RTN1: variants seen among roughly 807,000 people sequenced by gnomAD.
RTN1 encodes the protein reticulon 1.
In RTN1, 25 loss-of-function variants were observed where a neutral mutation model predicts 65.5. That is an observed-to-expected ratio of 0.38 (90% CI 0.28 to 0.53). The LOEUF (loss-of-function observed/expected upper bound fraction) is 0.53. RTN1 is among the 20% of genes least tolerant of loss of function. RTN1 has a pLI of 0.79. For synonymous variants in RTN1, 471 were observed against 447.6 expected (o/e 1.05, Z -0.66); for missense variants, 983 against 1,025.4 (o/e 0.96, Z 0.57).
At chr14:59,607,616 A>C in intron 3 of RTN1, 124 bp from the exon 4 acceptor site, 1 of 771,144 alleles carries the variant, frequency 1.3e-6, no homozygotes, top group Non-Finnish European at 2.2e-6. Context: ...TCCTAAACAC[A>C]AGTGAGCAGA....
rs267604012 is a variant in RTN1, at chr14:59,727,071, G to A, written c.1613C>T (p.Pro538Leu). The A allele has an allele frequency of 6.2e-7, 1 of 1,612,672 alleles. No individual in the cohort carries two copies. Among genetic ancestry groups the A allele is most frequent in the Non-Finnish European group, 8.5e-7 (1 of 1,179,388 alleles). The change falls in exon 3 of 9, where the codon CCT becomes CTT. Residue 538 changes from proline (P) to leucine (L), a missense_variant. This residue lies in a region of RTN1 where 818 missense variants were observed against 801.8 expected (regional missense o/e 1.02). Transcript: ENST00000267484. The surrounding 1 kb of genome is among the most constrained non-coding windows in gnomAD (Gnocchi z 4.2). Reference sequence around the variant, plus strand: ...CTCAGGCTCCAGGGCTCCGTCTCCAGGGGGCAGCTCGGGGCCAGGCTGGGG... The same window carrying A: ...CTCAGGCTCCAGGGCTCCGTCTCCAAGGGGCAGCTCGGGGCCAGGCTGGGG... ...TEPQPGPELP[P>L]GDGALEPETP...
At chr14:59,675,456 G>A (rs1325018833) in intron 3 of RTN1, among the ~76,000 whole-genome samples, 4 of 149,374 alleles carry the variant, frequency 2.7e-5, no homozygotes, top group African/African-American at 2.5e-5. Flanking sequence ...GGGGGGGGGC[G>A]CTATAATTTA....
rs978796070 is a variant in RTN1 at position 59,749,308 on chromosome 14, C to T, written c.242-2827G>A. ...TATATCTATATATATCTATATATAT[C>T]TATATATATATCTATATATCTATAT... On this transcript the variant is annotated intron_variant, in intron 1 of 8. Transcript: ENST00000267484. Among the ~76,000 whole-genome samples the T allele has an allele frequency of 2.4e-3, 36 of 14,890 alleles. 9 individuals are homozygous for T. The East Asian group carries it at 0.029, about 12-fold the overall frequency. The allele number at this position is 14,890 out of a possible 152,430, so 9.8% of individuals were successfully genotyped here.
At chr14:59,869,589 GGGGC>G (rs71111673) in intron 1 of RTN1, among the ~76,000 whole-genome samples, 3,814 of 129,666 alleles carry the variant, frequency 0.029, 180 homozygotes, top group East Asian at 0.21. Context: ...TGGGGGGGGG[GGGGC>G]GCTTAGACTG....
At chr14:59,747,562 C>A (rs888739526) in intron 1 of RTN1, among the ~76,000 whole-genome samples, 3 of 152,030 alleles carry the variant, frequency 2.0e-5, no homozygotes, top group Non-Finnish European at 4.4e-5. Context: ...GCTGAGATTG[C>A]GCCATTGCAC....
At chr14:59,762,206 G>A (rs1214442856) in intron 1 of RTN1, among the ~76,000 whole-genome samples, 1 of 152,084 alleles carries the variant, frequency 6.6e-6, no homozygotes. Context: ...CCTGGAATTG[G>A]ACATCCCCAT....
At chr14:59,717,104 A>G (rs1884552388) in intron 3 of RTN1, among the ~76,000 whole-genome samples, 1 of 152,110 alleles carries the variant, frequency 6.6e-6, no homozygotes, top group African/African-American at 2.4e-5. Flanking sequence ...GCTTTACTTG[A>G]TTTTCTTTGC....
intron 3 of RTN1, among the ~76,000 whole-genome samples, chr14:59,639,050 G>C (rs1182120276): frequency 6.6e-6 from 1 of 152,028 alleles, no homozygotes; most frequent in Non-Finnish European, 1.5e-5. Context: ...AGAAGCCACT[G>C]TAGGGTTATT....
chr14:59,782,832 TTC>T (rs367811693), intron 1 of RTN1, among the ~76,000 whole-genome samples: 309 of 152,150 alleles, frequency 2.0e-3, no homozygotes, highest in African/African-American at 6.8e-3. Flanking sequence ...TTGGTGCAGT[TTC>T]TCTCTCTCTC....
intron 1 of RTN1, among the ~76,000 whole-genome samples, chr14:59,807,647 T>TCATA (rs1321899690): frequency 3.9e-5 from 6 of 152,106 alleles, no homozygotes; most frequent in Non-Finnish European, 8.8e-5. Flanking sequence ...TAACCCTGAG[T>TCATA]CATAAGAGGG....
chr14:59,621,120 G>A (rs965054246), intron 3 of RTN1, among the ~76,000 whole-genome samples: 11 of 152,212 alleles, frequency 7.2e-5, no homozygotes, highest in African/African-American at 2.4e-4. Context: ...ATCAACTTGC[G>A]TAGGAAGCTT....
intron 1 of RTN1, among the ~76,000 whole-genome samples, chr14:59,771,370 G>A (rs1885955535): frequency 6.6e-6 from 1 of 152,224 alleles, no homozygotes; most frequent in Non-Finnish European, 1.5e-5. Context: ...TCTGAACTGT[G>A]TGCAAGAAGT....
At chr14:59,659,575 G>T (rs1466282073) in intron 3 of RTN1, among the ~76,000 whole-genome samples, 1 of 152,104 alleles carries the variant, frequency 6.6e-6, no homozygotes, top group South Asian at 2.1e-4. Context: ...AAGAGAGTGG[G>T]GACCAATATG....
chr14:59,675,968 C>T (rs2140218360), intron 3 of RTN1, among the ~76,000 whole-genome samples: 1 of 152,224 alleles, frequency 6.6e-6, no homozygotes, highest in East Asian at 1.9e-4. Context: ...TCTGATAACC[C>T]CCACTCCCCA....
intron 1 of RTN1, among the ~76,000 whole-genome samples, chr14:59,807,789 G>T (rs1886663650): frequency 6.6e-6 from 1 of 152,306 alleles, no homozygotes; most frequent in Non-Finnish European, 1.5e-5. Context: ...ACAAGTTATG[G>T]AACTTATTCC....
chr14:59,779,339 T>C (rs1011534490), intron 1 of RTN1, among the ~76,000 whole-genome samples: 3 of 151,956 alleles, frequency 2.0e-5, no homozygotes, highest in African/African-American at 7.3e-5. Context: ...ATAAATTCTA[T>C]TAATATTTAA....
At position 59,749,268 on chromosome 14, in the gene RTN1, ATATATATATCTATATATATC is replaced by A. The variant is rs1435448586; in HGVS notation, c.242-2807_242-2788del. 3.3e-4 allele frequency among the ~76,000 whole-genome samples: 7 copies of A among 21,092 alleles called. 1 individual carries two copies. The highest frequency in any genetic ancestry group is 4.4e-4 in the Non-Finnish European group (6 of 13,790). 13.8% of individuals were successfully genotyped at this position (21,092 alleles called of 152,430 possible). ...TATATCTATATATCTATATATATCT[ATATATATATCTATATATATC>A]TATATATATCTATATATATCTATAT... On this transcript the variant is annotated intron_variant, in intron 1 of 8. Transcript: ENST00000267484.
chr14:59,737,207 A>G (rs1250259389), intron 2 of RTN1, among the ~76,000 whole-genome samples: 5 of 152,238 alleles, frequency 3.3e-5, no homozygotes, highest in Non-Finnish European at 7.3e-5. Flanking sequence ...TTCAGATAGG[A>G]AGCGAGGAAA....
chr14:59,635,267 A>T (rs921278284), intron 3 of RTN1, among the ~76,000 whole-genome samples: 2 of 152,356 alleles, frequency 1.3e-5, no homozygotes, highest in African/African-American at 4.8e-5. Context: ...TCAAAGTAGC[A>T]AACGAATGTA....
Sources: allele counts gnomAD v4.1 joint callset (sites outside exome capture counted in the v4.1 genomes callset), GRCh38; gene constraint gnomAD v4.1.1; regional missense constraint gnomAD v4.1.1; non-coding constraint Gnocchi (gnomAD v3.1); transcripts MANE v1.5; gene names NCBI Gene and HGNC (gene_info 2026-07-23, HGNC 2026-07-21).